DIAPH2: variants seen among roughly 807,000 people sequenced by gnomAD.
The protein encoded by DIAPH2 is protein diaphanous homolog 2.
A neutral mutation model predicts 92.7 loss-of-function variants in DIAPH2; 35 were observed. That is an observed-to-expected ratio of 0.38 (90% CI 0.29 to 0.50). The LOEUF (loss-of-function observed/expected upper bound fraction) is 0.50, where lower values mean the gene tolerates loss of function less well. Among genes scored for constraint, DIAPH2 ranks in the 20% least tolerant of loss-of-function variants. The pLI is 0.94. For synonymous variants in DIAPH2, 301 were observed against 280.4 expected (o/e 1.07, Z -0.73); for missense variants, 701 against 819.5 (o/e 0.86, Z 1.77).
chrX:97,461,234 C>CTTT (rs11382843), intron 26 of DIAPH2, among the ~76,000 whole-genome samples: 1 of 97,965 alleles, frequency 1.0e-5, no homozygotes, highest in Non-Finnish European at 2.0e-5. Flanking sequence ...ACTAGTTTGT[C>CTTT]TTTTTTTTTT....
chrX:96,742,720 G>A (rs1159022853), intron 3 of DIAPH2, among the ~76,000 whole-genome samples: 1 of 107,308 alleles, frequency 9.3e-6, no homozygotes, highest in Non-Finnish European at 1.9e-5. Flanking sequence ...AGGCTGGAGT[G>A]CAGTGGCGTG....
intron 15 of DIAPH2, among the ~76,000 whole-genome samples, chrX:96,957,146 G>A (rs1374377445): frequency 8.9e-6 from 1 of 112,000 alleles, no homozygotes; most frequent in Non-Finnish European, 1.9e-5. Flanking sequence ...TCAGCCTCTC[G>A]AGTAGCCGGG....
At chrX:96,975,681 A>T (rs900112889) in intron 17 of DIAPH2, among the ~76,000 whole-genome samples, 1 of 111,695 alleles carries the variant, frequency 9.0e-6, no homozygotes, top group Non-Finnish European at 1.9e-5. Flanking sequence ...ACGCTTCTGG[A>T]GACTAAGAAT....
intron 21 of DIAPH2, among the ~76,000 whole-genome samples, chrX:97,120,035 C>T (rs759054137): frequency 4.5e-5 from 5 of 112,037 alleles, no homozygotes; most frequent in South Asian, 7.5e-4. Context: ...AGCGGATTCA[C>T]GCCCTCCACT....
Position 97,107,415 on chromosome X carries a change from T to C in DIAPH2, c.2350-7311T>C, listed in dbSNP as rs147245451. On this transcript the variant is annotated intron_variant, in intron 20 of 26. Coordinates refer to ENST00000324765, the MANE Select transcript of DIAPH2 (RefSeq NM_006729.5). ...ACTCCATATAGTTGGTACACTTGTA[T>C]TGATTATTTTTTCCAGGCCTGGTAC... Among the ~76,000 whole-genome samples, 248 of 112,165 alleles carry C rather than the reference T, an allele frequency of 2.2e-3. 3 individuals are homozygous for C. The highest frequency in any genetic ancestry group is 7.6e-3 in the African/African-American group (234 of 30,872).
intron 18 of DIAPH2, among the ~76,000 whole-genome samples, chrX:97,073,442 G>T (rs1453244441): frequency 8.9e-6 from 1 of 111,987 alleles, no homozygotes; most frequent in Non-Finnish European, 1.9e-5. Flanking sequence ...TATGTCTGAA[G>T]TAATTGCGAT....
intron 23 of DIAPH2, among the ~76,000 whole-genome samples, chrX:97,344,513 T>G (rs1263589460): frequency 8.9e-6 from 1 of 112,425 alleles, no homozygotes; most frequent in East Asian, 2.8e-4. Context: ...TTTTCTTACC[T>G]GCAGTCCCAT....
chrX:96,801,138 T>A (rs779519471), intron 4 of DIAPH2, among the ~76,000 whole-genome samples: 1 of 112,419 alleles, frequency 8.9e-6, no homozygotes, highest in Non-Finnish European at 1.9e-5. Context: ...GCTACCTCAA[T>A]AGGGAGATGG....
chrX:96,793,707 T>C (rs1421930120), intron 4 of DIAPH2: 5 of 339,146 alleles, frequency 1.5e-5, no homozygotes, highest in Admixed American at 3.0e-5. Context: ...CATGATGTCA[T>C]CTAAACCTAA....
intron 9 of DIAPH2, among the ~76,000 whole-genome samples, chrX:96,926,329 T>C (rs749930710): frequency 1.7e-4 from 19 of 111,918 alleles, no homozygotes; most frequent in Non-Finnish European, 2.8e-4. Context: ...AATTTCTTTT[T>C]GTAATGCTAT....
At position 96,916,426 on chromosome X, in the gene DIAPH2, T is replaced by C. The variant is rs779842792; in HGVS notation, c.733-12T>C. 2 of 1,094,290 alleles carry C rather than the reference T, an allele frequency of 1.8e-6. No homozygotes were observed. The highest frequency in any genetic ancestry group is 2.4e-6 in the Non-Finnish European group (2 of 838,681). The allele number at this position is 1,094,290 out of a possible 1,213,427, so 90.2% of individuals were successfully genotyped here. A position where few individuals can be genotyped will look rare whatever the true frequency, so the allele number is the denominator to read the frequency against. On this transcript the variant is annotated splice_polypyrimidine_tract_variant and intron_variant, in intron 7 of 26. Coordinates refer to ENST00000324765, the MANE Select transcript of DIAPH2 (RefSeq NM_006729.5). ...GACATTCTGAATGAAGGTTTTTTTT[T>C]TTTTTTTTTAGTTTGGATTACAAAG...
intron 22 of DIAPH2, among the ~76,000 whole-genome samples, chrX:97,222,556 T>C (rs2147517793): frequency 8.9e-6 from 1 of 111,768 alleles, no homozygotes; most frequent in African/African-American, 3.2e-5. Context: ...AAAATGTGTC[T>C]GACCAAAGTA....
chrX:97,322,579 A>G (rs1261830621), intron 23 of DIAPH2, among the ~76,000 whole-genome samples: 2 of 111,532 alleles, frequency 1.8e-5, no homozygotes, highest in Non-Finnish European at 3.8e-5. Context: ...CACAAAGAAA[A>G]CACCAGAAAC....
chrX:96,838,280 A>C (rs774509251), intron 4 of DIAPH2, among the ~76,000 whole-genome samples: 27 of 111,894 alleles, frequency 2.4e-4, no homozygotes, highest in Non-Finnish European at 4.0e-4. Flanking sequence ...GAATCAAAAC[A>C]GGGATATTCA....
intron 4 of DIAPH2, among the ~76,000 whole-genome samples, chrX:96,797,273 G>A (rs932510332): frequency 3.6e-5 from 4 of 110,698 alleles, no homozygotes; most frequent in African/African-American, 1.3e-4. Context: ...CGGGGGTCAG[G>A]AATTCGAGAG....
chrX:96,687,565 G>T (rs1165208448), intron 1 of DIAPH2, among the ~76,000 whole-genome samples: 1 of 109,828 alleles, frequency 9.1e-6, no homozygotes, highest in Non-Finnish European at 1.9e-5. Context: ...TCAGCCTCCT[G>T]AGTAGCTGGG....
At chrX:96,708,328 C>T (rs1222788354) in intron 1 of DIAPH2, among the ~76,000 whole-genome samples, 3 of 103,004 alleles carry the variant, frequency 2.9e-5, no homozygotes, top group Non-Finnish European at 5.9e-5. Flanking sequence ...CTGCAACCTC[C>T]GCCTCCCGGG....
At chrX:97,085,208 A>G (rs1336685547) in intron 19 of DIAPH2, among the ~76,000 whole-genome samples, 3 of 111,944 alleles carry the variant, frequency 2.7e-5, no homozygotes, top group Admixed American at 1.9e-4. Flanking sequence ...ATTTGAAATC[A>G]TAGCTATATA....
In DIAPH2 at chrX:97,306,950, C is replaced by T. The variant is rs1448433589; in HGVS notation, c.2845-41166C>T. 5.8e-4 allele frequency among the ~76,000 whole-genome samples: 65 copies of T among 111,806 alleles called. 2 individuals carry two copies. The highest frequency in any genetic ancestry group is 1.9e-5 in the Non-Finnish European group (1 of 53,162). Reference sequence around the variant, plus strand: ...GGGAAACTCTGAAAGGTAAGGGGCACCGAATTGTTACATTTAATTGGATTA... The same window carrying T: ...GGGAAACTCTGAAAGGTAAGGGGCATCGAATTGTTACATTTAATTGGATTA... On this transcript the variant is annotated intron_variant, in intron 23 of 26. Transcript: ENST00000324765.
Sources: allele counts gnomAD v4.1 joint callset (sites outside exome capture counted in the v4.1 genomes callset), GRCh38; gene constraint gnomAD v4.1.1; transcripts MANE v1.5; gene names NCBI Gene and HGNC (gene_info 2026-07-23, HGNC 2026-07-21).